CACNA2D3: variants seen among roughly 807,000 people sequenced by gnomAD.
CACNA2D3 encodes the protein voltage-dependent calcium channel subunit alpha-2/delta-3.
CACNA2D3 carries 60 observed loss-of-function variants against 160.6 expected under a neutral mutation model. The observed-to-expected ratio is 0.37, with a 90% CI of 0.30 to 0.46. The LOEUF is 0.46. CACNA2D3 is among the 20% of genes least tolerant of loss of function. The pLI, the probability that CACNA2D3 is intolerant of heterozygous loss-of-function variation, is 1.00. For synonymous variants in CACNA2D3, 558 were observed against 492.9 expected, an observed-to-expected ratio of 1.13 and a Z score of -1.75; for missense variants, 1,205 against 1,365.0, an observed-to-expected ratio of 0.88 and a Z score of 1.85.
rs1700362947 is a variant in CACNA2D3, at chr3:54,682,154, C to T, written c.1167+39913C>T. Among the ~76,000 whole-genome samples, 3 of 139,008 alleles carry T rather than the reference C, an allele frequency of 2.2e-5. No individual in the cohort carries two copies. The South Asian group carries it at 7.2e-4, about 33-fold the overall frequency. The allele number at this position is 139,008 out of a possible 152,430, so 91.2% of individuals were successfully genotyped here. On this transcript the variant is annotated intron_variant, in intron 11 of 37. Transcript: ENST00000474759. Reference sequence around the variant, plus strand: ...CCTTTTGTGTCTCATTTATGCAAAACAGAACAGCACACACACACACACACA... The same window carrying T: ...CCTTTTGTGTCTCATTTATGCAAAATAGAACAGCACACACACACACACACA...
chr3:54,154,564 G>A (rs1375838817), intron 2 of CACNA2D3, among the ~76,000 whole-genome samples: 3 of 151,200 alleles, frequency 2.0e-5, no homozygotes. Context: ...CCCAATTATA[G>A]CCATAATATG....
chr3:54,804,797 G>T lies in CACNA2D3; in HGVS notation c.1381-12056G>T, dbSNP rs185198996. On this transcript the variant is annotated intron_variant, in intron 13 of 37. Coordinates refer to ENST00000474759, the MANE Select transcript of CACNA2D3 (RefSeq NM_018398.3). ...CTATTCCAGAATTGACCACATAGTTGGAAGTAAAGCTCTCCTCAGCAAATG... is the reference window on the plus strand; with the variant it reads ...CTATTCCAGAATTGACCACATAGTTTGAAGTAAAGCTCTCCTCAGCAAATG... Among the ~76,000 whole-genome samples, 421 of 152,228 alleles carry T rather than the reference G, an allele frequency of 2.8e-3. 4 individuals are homozygous for T. Among genetic ancestry groups the T allele is most frequent in the African/African-American group, 9.8e-3 (407 of 41,514 alleles).
intron 6 of CACNA2D3, 146 bp from the exon 7 acceptor site, chr3:54,569,649 G>A (rs974907142): frequency 2.3e-5 from 15 of 666,542 alleles, no homozygotes; most frequent in African/African-American, 1.8e-4. Context: ...TGGATTTGGC[G>A]ATGGAGCATG....
rs60257399 is a variant in CACNA2D3, at chr3:54,918,321, C to CTT, written c.2449+18462_2449+18463dup. 4.9e-4 allele frequency: 192 copies of CTT among 394,340 alleles called. 2 individuals carry two copies. In the African/African-American group the frequency reaches 5.0e-3, roughly 10 times the overall value. 24.4% of individuals were successfully genotyped at this position (394,340 alleles called of 1,614,324 possible). ...CCAGAAATATTTTTTACAGACACAT[C>CTT]TTTTTTTTTTCTTTTTTTTTTTTTT... is the stretch of plus-strand genomic sequence containing the variant. On this transcript the variant is annotated intron_variant, in intron 27 of 37. Transcript: ENST00000474759.
chr3:54,690,290 A>AT (rs952804856), intron 11 of CACNA2D3, among the ~76,000 whole-genome samples: 1 of 151,746 alleles, frequency 6.6e-6, no homozygotes, highest in African/African-American at 2.4e-5. Context: ...AATTTGCTTA[A>AT]TTTTTTTTCC....
At chr3:55,060,966 A>G (rs6764374) in intron 35 of CACNA2D3, among the ~76,000 whole-genome samples, 1,667 of 152,220 alleles carry the variant, frequency 0.011, 24 homozygotes, top group African/African-American at 0.037. Context: ...TGGGCTGACA[A>G]TGCCAAAGAA....
intron 27 of CACNA2D3, among the ~76,000 whole-genome samples, chr3:54,923,254 GTTGTC>G (rs1206857597): frequency 9.9e-5 from 15 of 152,260 alleles, no homozygotes; most frequent in African/African-American, 3.6e-4. Context: ...AAGTACTGGT[GTTGTC>G]TTGTCTGTGT....
At chr3:54,463,684 C>T (rs969717835) in intron 4 of CACNA2D3, among the ~76,000 whole-genome samples, 1 of 152,142 alleles carries the variant, frequency 6.6e-6, no homozygotes, top group Non-Finnish European at 1.5e-5. Flanking sequence ...AGTTTTTAAT[C>T]AAAGTTTTTA....
intron 4 of CACNA2D3, among the ~76,000 whole-genome samples, chr3:54,394,554 G>A (rs2106682919): frequency 1.6e-5 from 2 of 123,336 alleles, no homozygotes; most frequent in Middle Eastern, 7.9e-3. Context: ...CCACCTATGA[G>A]TGAGAATATG....
chr3:54,625,721 C>G (rs188572414), intron 9 of CACNA2D3, among the ~76,000 whole-genome samples: 2 of 152,328 alleles, frequency 1.3e-5, no homozygotes, highest in East Asian at 3.9e-4. Flanking sequence ...CTTTGGCGTT[C>G]ACACTGGCAC....
intron 11 of CACNA2D3, among the ~76,000 whole-genome samples, chr3:54,720,471 T>C (rs1701148715): frequency 6.6e-6 from 1 of 152,082 alleles, no homozygotes; most frequent in African/African-American, 2.4e-5. Context: ...TTCTATATTA[T>C]GTCCATCCTT....
At chr3:54,212,376 T>G (rs910198287) in intron 2 of CACNA2D3, among the ~76,000 whole-genome samples, 2 of 152,274 alleles carry the variant, frequency 1.3e-5, no homozygotes, top group South Asian at 4.1e-4. Context: ...TATAGGTAGA[T>G]TTAAACAATT....
chr3:54,295,778 T>G (rs916718186), intron 2 of CACNA2D3, among the ~76,000 whole-genome samples: 1 of 152,214 alleles, frequency 6.6e-6, no homozygotes, highest in Non-Finnish European at 1.5e-5. Context: ...AAGAATTTCC[T>G]TGTGATAAAA....
intron 27 of CACNA2D3, among the ~76,000 whole-genome samples, chr3:54,900,878 A>C (rs1311729349): frequency 6.6e-6 from 1 of 152,110 alleles, no homozygotes; most frequent in Non-Finnish European, 1.5e-5. Context: ...GCCTGTGTAT[A>C]ATTGTATTAG....
At chr3:54,885,685 T>C (rs1353806759) in intron 23 of CACNA2D3, 99 bp downstream of exon 23, 45 of 775,138 alleles carry the variant, frequency 5.8e-5, no homozygotes, top group Non-Finnish European at 9.4e-5. Flanking sequence ...AAGCTTTGCT[T>C]TGGCAGAGAT....
At chr3:54,498,912 G>A (rs1411742793) in intron 4 of CACNA2D3, among the ~76,000 whole-genome samples, 4 of 151,728 alleles carry the variant, frequency 2.6e-5, no homozygotes, top group Non-Finnish European at 4.4e-5. Flanking sequence ...TTAAAATCTA[G>A]ATATCAATGA....
chr3:54,852,835 G>T (rs1305389830), intron 17 of CACNA2D3, among the ~76,000 whole-genome samples: 1 of 152,172 alleles, frequency 6.6e-6, no homozygotes, highest in African/African-American at 2.4e-5. Context: ...TCAAACATCA[G>T]TTTAAATAAG....
chr3:54,958,044 G>A lies in CACNA2D3; in HGVS notation c.2450-10406G>A, dbSNP rs530995724. Among the ~76,000 whole-genome samples, 4 of 152,308 alleles carry A rather than the reference G, an allele frequency of 2.6e-5. No homozygotes were observed. In the South Asian group the frequency reaches 8.3e-4, roughly 32 times the overall value. The stretch of plus-strand genomic sequence containing the variant: ...CACATTGCATTCAACCACCCCGTGT[G>A]TGTTCACAAGTGCCTGCCTGTGCTG... On this transcript the variant is annotated intron_variant, in intron 27 of 37. Transcript: ENST00000474759.
At chr3:54,888,907 A>G (rs573692187) in intron 24 of CACNA2D3, among the ~76,000 whole-genome samples, 23 of 152,338 alleles carry the variant, frequency 1.5e-4, no homozygotes, top group African/African-American at 5.5e-4. Context: ...TAGAGCCCTT[A>G]ACATCATGGC....
Sources: gnomAD v4.1 joint callset for allele counts (sites outside exome capture counted in the v4.1 genomes callset) on GRCh38, gnomAD v4.1.1 for gene constraint, MANE v1.5 for transcripts, NCBI Gene and HGNC (gene_info 2026-07-23, HGNC 2026-07-21) for gene names.